The following ADARB2 variants were observed in gnomAD, a reference collection of about 807,000 sequenced individuals.
The protein encoded by ADARB2 is adenosine deaminase RNA specific B2 (inactive).
Under a neutral mutation model 62.2 loss-of-function variants are expected in ADARB2, and 25 were observed. The observed-to-expected ratio is 0.40, with a 90% confidence interval of 0.29 to 0.56. ADARB2 has a LOEUF of 0.56. Among genes scored for constraint, ADARB2 ranks in the 20% least tolerant of loss-of-function variants. The pLI is 0.43. For synonymous variants in ADARB2, 572 were observed against 500.8 expected (o/e 1.14, Z -1.90); for missense variants, 1,071 against 1,077.4 (o/e 0.99, Z 0.08).
At chr10:1,696,135 A>C (rs1022372685) in intron 1 of ADARB2, among the ~76,000 whole-genome samples, 13 of 118,622 alleles carry the variant, frequency 1.1e-4, no homozygotes, top group Non-Finnish European at 2.3e-4. Context: ...ATGTAGTATC[A>C]CACATGTATA....
chr10:1,286,965 A>T (rs1309643698), intron 3 of ADARB2, among the ~76,000 whole-genome samples: 4 of 152,158 alleles, frequency 2.6e-5, no homozygotes, highest in Non-Finnish European at 5.9e-5. Flanking sequence ...AAAATACAGA[A>T]ATAACTCACC....
intron 1 of ADARB2, among the ~76,000 whole-genome samples, chr10:1,532,156 GA>G (rs1157430130): frequency 6.6e-6 from 1 of 152,092 alleles, no homozygotes; most frequent in Non-Finnish European, 1.5e-5. Context: ...ACCATTCCCT[GA>G]AGACAGACGG....
At chr10:1,263,222 G>A (rs1313635803) in intron 4 of ADARB2, among the ~76,000 whole-genome samples, 2 of 152,206 alleles carry the variant, frequency 1.3e-5, no homozygotes, top group African/African-American at 4.8e-5. Context: ...CATGGCACAT[G>A]TATACATATG....
At chr10:1,385,822 C>T (rs933508125) in intron 1 of ADARB2, among the ~76,000 whole-genome samples, 5 of 152,106 alleles carry the variant, frequency 3.3e-5, no homozygotes, top group Admixed American at 2.0e-4. Context: ...CTGAAGAAGA[C>T]TGTACCAATC....
intron 1 of ADARB2, among the ~76,000 whole-genome samples, chr10:1,631,812 T>A (rs1478585134): frequency 6.6e-6 from 1 of 152,254 alleles, no homozygotes; most frequent in Non-Finnish European, 1.5e-5. Flanking sequence ...AAAAACAATG[T>A]GAGAATTTTA....
chr10:1,728,512 G>A (rs540825060), intron 1 of ADARB2, among the ~76,000 whole-genome samples: 17 of 152,114 alleles, frequency 1.1e-4, no homozygotes, highest in South Asian at 6.2e-4. Flanking sequence ...ATCCCTCTAC[G>A]TCGTGTGCAT....
intron 3 of ADARB2, among the ~76,000 whole-genome samples, chr10:1,305,074 A>G (rs1273503883): frequency 7.9e-6 from 1 of 126,246 alleles, no homozygotes; most frequent in Admixed American, 8.6e-5. Context: ...AAGGAAAGAG[A>G]GACACAAAAA....
At chr10:1,332,006 G>A (rs372925441) in intron 3 of ADARB2, among the ~76,000 whole-genome samples, 1 of 152,256 alleles carries the variant, frequency 6.6e-6, no homozygotes, top group East Asian at 1.9e-4. Flanking sequence ...CAGATTGGCT[G>A]CAACACTTGG....
chr10:1,308,084 AAAAAT>A (rs869119292), intron 3 of ADARB2, among the ~76,000 whole-genome samples: 1 of 114,898 alleles, frequency 8.7e-6, no homozygotes, highest in Non-Finnish European at 2.0e-5. Flanking sequence ...GTATAATAAA[AAAAAT>A]AAATTAAAAA....
chr10:1,690,675 T>G (rs1834657540), intron 1 of ADARB2, among the ~76,000 whole-genome samples: 1 of 152,168 alleles, frequency 6.6e-6, no homozygotes. Flanking sequence ...AGTGGAGCAC[T>G]GCCCTGCTTT....
chr10:1,526,624 A>G (rs578089054), intron 1 of ADARB2: 21 of 241,334 alleles, frequency 8.7e-5, no homozygotes, highest in South Asian at 7.4e-4. Flanking sequence ...CCACGAGTGA[A>G]GCTTCCTGGG....
At chr10:1,243,896 GC>G (rs1041682268) in intron 4 of ADARB2, among the ~76,000 whole-genome samples, 5 of 151,384 alleles carry the variant, frequency 3.3e-5, no homozygotes, top group African/African-American at 7.4e-5. Flanking sequence ...TCTACCCACT[GC>G]CCCCTCCCTG....
At chr10:1,635,626 T>G (rs1704128768) in intron 1 of ADARB2, among the ~76,000 whole-genome samples, 1 of 152,182 alleles carries the variant, frequency 6.6e-6, no homozygotes, top group South Asian at 2.1e-4. Flanking sequence ...TGGATTAGGT[T>G]CAAAGCTCTC....
chr10:1,569,759 AT>A (rs139238954), intron 1 of ADARB2, among the ~76,000 whole-genome samples: 1,824 of 151,686 alleles, frequency 0.012, 31 homozygotes, highest in African/African-American at 0.039. Flanking sequence ...CTAAAGTATC[AT>A]TTTTTTTTAA....
chr10:1,394,320 C>G (rs572455389), intron 1 of ADARB2, among the ~76,000 whole-genome samples: 4 of 152,302 alleles, frequency 2.6e-5, no homozygotes, highest in African/African-American at 9.6e-5. Context: ...CCACTTAACG[C>G]CATCCACCCG....
At chr10:1,630,372 G>A (rs367762527) in intron 1 of ADARB2, among the ~76,000 whole-genome samples, 1 of 152,128 alleles carries the variant, frequency 6.6e-6, no homozygotes, top group Non-Finnish European at 1.5e-5. Context: ...GGTGGGGAGG[G>A]CTTCCTACCC....
intron 3 of ADARB2, among the ~76,000 whole-genome samples, chr10:1,337,859 G>C (rs933730945): frequency 6.6e-6 from 1 of 152,188 alleles, no homozygotes; most frequent in South Asian, 2.1e-4. Context: ...AATTCACAAA[G>C]AGGAGAAGTC....
intron 1 of ADARB2, among the ~76,000 whole-genome samples, chr10:1,642,200 T>G (rs1367386144): frequency 2.0e-5 from 3 of 152,218 alleles, no homozygotes; most frequent in Non-Finnish European, 4.4e-5. Flanking sequence ...TGTGAGGTCA[T>G]AAACTTCAAA....
chr10:1,229,776 T>TTC (rs1224293234), intron 6 of ADARB2, among the ~76,000 whole-genome samples: 5 of 21,582 alleles, frequency 2.3e-4, no homozygotes, highest in African/African-American at 1.0e-3. Context: ...ACATATGTGC[T>TTC]TCTGTGTACA....
Sources: gnomAD v4.1 joint callset for allele counts (sites outside exome capture counted in the v4.1 genomes callset) on GRCh38, gnomAD v4.1.1 for gene constraint, MANE v1.5 for transcripts, NCBI Gene and HGNC (gene_info 2026-07-23, HGNC 2026-07-21) for gene names.